Variants in ROBO2 observed in about 807,000 individuals in gnomAD.
ROBO2 encodes roundabout homolog 2.
Under a neutral mutation model 160.8 loss-of-function variants are expected in ROBO2, and 53 were observed. The ratio of observed to expected loss-of-function variants is 0.33; its 90% CI spans 0.26 to 0.41. ROBO2 has a LOEUF of 0.41. Among genes scored for constraint, ROBO2 ranks in the 10% least tolerant of loss-of-function variants. ROBO2 has a pLI of 1.00. For missense variants in ROBO2, 1,577 were observed against 1,722.4 expected, an observed-to-expected ratio of 0.92 and a Z score of 1.49; for synonymous variants, 664 against 611.7, an observed-to-expected ratio of 1.09 and a Z score of -1.26.
chr3:76,265,305 C>T (rs749913593), intron 2 of ROBO2, among the ~76,000 whole-genome samples: 6 of 152,132 alleles, frequency 3.9e-5, no homozygotes, highest in African/African-American at 1.2e-4. Flanking sequence ...CTTTCCTAAT[C>T]GATCTACTTC....
intron 2 of ROBO2, among the ~76,000 whole-genome samples, chr3:77,192,905 C>G (rs1278569667): frequency 1.3e-5 from 2 of 151,932 alleles, no homozygotes; most frequent in African/African-American, 4.8e-5. Context: ...CCACCTGCCT[C>G]AGTCTCCAAA....
Position 77,163,027 on chromosome 3 carries a change from G to A in ROBO2, c.388+64687G>A, listed in dbSNP as rs912840928. On this transcript the variant is annotated intron_variant, in intron 2 of 25. Transcript: ENST00000461745. ...TTTTTTGTATTTTTAGTAAAGACAG[G>A]GTTTCACCACGTTGGCCAGGCTGGT... Among the ~76,000 whole-genome samples, 13 of 151,974 alleles carry A rather than the reference G, an allele frequency of 8.6e-5. 1 individual carries two copies. Among genetic ancestry groups the A allele is most frequent in the Admixed American group, 3.3e-4 (5 of 15,280 alleles).
chr3:76,902,592 A>G (rs979550032), intron 2 of ROBO2, among the ~76,000 whole-genome samples: 3 of 152,178 alleles, frequency 2.0e-5, no homozygotes, highest in Non-Finnish European at 2.9e-5. Context: ...ATAAGATTCT[A>G]TAGTGTTCTT....
chr3:76,224,092 T>C (rs1311241491), intron 2 of ROBO2, among the ~76,000 whole-genome samples: 1 of 152,222 alleles, frequency 6.6e-6, no homozygotes, highest in Non-Finnish European at 1.5e-5. Context: ...CATTTTCTAA[T>C]AAGTCTCTTA....
At chr3:77,406,914 CATT>C (rs2076296794) in intron 2 of ROBO2, among the ~76,000 whole-genome samples, 6 of 152,256 alleles carry the variant, frequency 3.9e-5, no homozygotes, top group Admixed American at 3.9e-4. Flanking sequence ...TTGGACCTTG[CATT>C]TCGAGTTCAG....
chr3:77,139,356 A>T (rs2076526539), intron 2 of ROBO2, among the ~76,000 whole-genome samples: 1 of 152,176 alleles, frequency 6.6e-6, no homozygotes. Context: ...CCATTAATAC[A>T]CTCCATTCAT....
intron 2 of ROBO2, among the ~76,000 whole-genome samples, chr3:75,969,356 G>T (rs1402509231): frequency 2.6e-5 from 4 of 151,262 alleles, no homozygotes; most frequent in Non-Finnish European, 4.4e-5. Context: ...TCATACACTA[G>T]CTCTATACTG....
intron 2 of ROBO2, among the ~76,000 whole-genome samples, chr3:77,305,464 G>T (rs2063022380): frequency 6.6e-6 from 1 of 152,210 alleles, no homozygotes. Flanking sequence ...TGACACATTT[G>T]AGGATGGTGT....
rs954211761 is a variant in ROBO2, at chr3:76,047,710, A to C, written c.109+110108A>C. Among the ~76,000 whole-genome samples the C allele has an allele frequency of 1.3e-5, 2 of 152,238 alleles. 1 individual carries two copies. Among genetic ancestry groups the C allele is most frequent in the South Asian group, 4.1e-4 (2 of 4,832 alleles). On this transcript the variant is annotated intron_variant, in intron 2 of 26. Coordinates refer to the ROBO2 transcript ENST00000487694. ...CTTGAATCCAGTCTTGAGACCAGAG[A>C]CAATATGCCTGCGTGCATGATGTAT...
intron 2 of ROBO2, among the ~76,000 whole-genome samples, chr3:76,773,701 A>G (rs1427610459): frequency 2.7e-5 from 4 of 150,932 alleles, no homozygotes; most frequent in African/African-American, 9.7e-5. Flanking sequence ...AGAATCTTAT[A>G]TTCCTATATC....
At chr3:76,455,749 T>C (rs982008746) in intron 2 of ROBO2, among the ~76,000 whole-genome samples, 1 of 152,180 alleles carries the variant, frequency 6.6e-6, no homozygotes, top group Non-Finnish European at 1.5e-5. Context: ...AGAAAACACA[T>C]AGCAAGCATA....
chr3:76,866,769 G>A (rs755862744), intron 2 of ROBO2, among the ~76,000 whole-genome samples: 2 of 151,958 alleles, frequency 1.3e-5, no homozygotes, highest in Non-Finnish European at 2.9e-5. Flanking sequence ...AATGAAAAAC[G>A]AGGATGACTG....
At chr3:76,055,988 C>T (rs964563892) in intron 2 of ROBO2, among the ~76,000 whole-genome samples, 6 of 152,172 alleles carry the variant, frequency 3.9e-5, no homozygotes, top group Admixed American at 1.3e-4. Flanking sequence ...ACTCACGACT[C>T]ATTCAACACT....
chr3:77,139,579 T>G (rs2076543359), intron 2 of ROBO2, among the ~76,000 whole-genome samples: 1 of 152,244 alleles, frequency 6.6e-6, no homozygotes. Context: ...TGGTATATAA[T>G]GCAGATATGA....
chr3:76,167,329 C>T (rs2072873325), intron 2 of ROBO2, among the ~76,000 whole-genome samples: 1 of 152,116 alleles, frequency 6.6e-6, no homozygotes, highest in Admixed American at 6.6e-5. Flanking sequence ...AGTTTGCTCT[C>T]CCTGAGCTAA....
At chr3:76,622,161 T>A (rs531538669) in intron 2 of ROBO2, among the ~76,000 whole-genome samples, 15 of 140,952 alleles carry the variant, frequency 1.1e-4, no homozygotes, top group Non-Finnish European at 2.1e-4. Flanking sequence ...CTGGACAACA[T>A]AGCAAGACCT....
At chr3:76,702,671 G>A (rs1008526215) in intron 2 of ROBO2, among the ~76,000 whole-genome samples, 2 of 151,802 alleles carry the variant, frequency 1.3e-5, no homozygotes, top group Admixed American at 6.6e-5. Context: ...CAAAATGAAC[G>A]TTATATAATA....
intron 2 of ROBO2, among the ~76,000 whole-genome samples, chr3:76,633,444 A>C (rs1007028545): frequency 9.2e-5 from 14 of 152,170 alleles, no homozygotes; most frequent in Non-Finnish European, 4.4e-5. Context: ...AAATGAATGA[A>C]AGCAAAATGT....
rs188421359 is a variant in ROBO2 at position 77,572,330 on chromosome 3, A to G, written c.1972-2169A>G. On this transcript the variant is annotated intron_variant, in intron 13 of 25. Coordinates refer to ENST00000461745, the Ensembl canonical transcript of ROBO2. ...AACACTGACAGTTTTGATGAAAGTCATCTCTCTTTGGCTCTCATAAATTTA... is the reference window on the plus strand; with the variant it reads ...AACACTGACAGTTTTGATGAAAGTCGTCTCTCTTTGGCTCTCATAAATTTA... Among the ~76,000 whole-genome samples the G allele has an allele frequency of 9.2e-5, 14 of 152,096 alleles. No individual in the cohort carries two copies. In the East Asian group the frequency reaches 2.7e-3, roughly 30 times the overall value.
Sources: gnomAD v4.1 joint callset for allele counts (sites outside exome capture counted in the v4.1 genomes callset) on GRCh38, gnomAD v4.1.1 for gene constraint, MANE v1.5 for transcripts, NCBI Gene and HGNC (gene_info 2026-07-23, HGNC 2026-07-21) for gene names.